ADGRL2: variants seen among roughly 807,000 people sequenced by gnomAD.
ADGRL2 encodes the protein calcium-independent alpha-latrotoxin receptor 2.
Under a neutral mutation model 157.4 loss-of-function variants are expected in ADGRL2, and 44 were observed. That is an observed-to-expected ratio of 0.28 (90% CI 0.22 to 0.36). The LOEUF (loss-of-function observed/expected upper bound fraction) is 0.36, where lower values mean the gene tolerates loss of function less well. Among genes scored for constraint, ADGRL2 ranks in the 10% least tolerant of loss-of-function variants. The pLI, the probability that ADGRL2 is intolerant of heterozygous loss-of-function variation, is 1.00. For synonymous variants in ADGRL2, 585 were observed against 624.7 expected (o/e 0.94, Z 0.95); for missense variants, 1,510 against 1,768.9 (o/e 0.85, Z 2.63).
intron 2 of ADGRL2, among the ~76,000 whole-genome samples, chr1:81,548,145 A>G (rs1289702816): frequency 1.3e-5 from 2 of 152,156 alleles, no homozygotes; most frequent in Admixed American, 6.5e-5. Context: ...CAATCCAACT[A>G]CACACGTAAC....
At chr1:81,771,945 A>G (rs1443824192) in intron 2 of ADGRL2, among the ~76,000 whole-genome samples, 1 of 152,130 alleles carries the variant, frequency 6.6e-6, no homozygotes, top group Non-Finnish European at 1.5e-5. Flanking sequence ...ATGTAAAACT[A>G]TATTTTAAAA....
At chr1:81,608,573 T>C (rs1359527042) in intron 3 of ADGRL2, among the ~76,000 whole-genome samples, 2 of 152,178 alleles carry the variant, frequency 1.3e-5, no homozygotes, top group Admixed American at 6.6e-5. Flanking sequence ...TTTAATATGC[T>C]CATGCTGATT....
chr1:81,735,528 G>A (rs987362311), intron 1 of ADGRL2, among the ~76,000 whole-genome samples: 4 of 152,212 alleles, frequency 2.6e-5, no homozygotes, highest in African/African-American at 4.8e-5. Context: ...GGTGGCTCAT[G>A]CCTGTAATCC....
chr1:81,899,351 C>T (rs1023969122), intron 2 of ADGRL2, among the ~76,000 whole-genome samples: 5 of 152,228 alleles, frequency 3.3e-5, no homozygotes, highest in Middle Eastern at 3.4e-3. Flanking sequence ...AATTCCCATC[C>T]GGTAGCAGTG....
chr1:81,798,359 C>G (rs532674093), upstream of ADGRL2, among the ~76,000 whole-genome samples: 1 of 151,970 alleles, frequency 6.6e-6, no homozygotes, highest in Non-Finnish European at 1.5e-5. Flanking sequence ...TGTGGATATA[C>G]AAAGAAGGTT....
At chr1:81,330,363 G>A (rs373292322) in intron 1 of ADGRL2, among the ~76,000 whole-genome samples, 2 of 152,122 alleles carry the variant, frequency 1.3e-5, no homozygotes, top group African/African-American at 4.8e-5. Flanking sequence ...GGTCATATCT[G>A]ATTAAAGAAA....
intron 2 of ADGRL2, among the ~76,000 whole-genome samples, chr1:81,891,589 C>G (rs925822118): frequency 6.6e-6 from 1 of 151,978 alleles, no homozygotes; most frequent in Non-Finnish European, 1.5e-5. Context: ...ATGTTTATTT[C>G]CTACTTAAAT....
chr1:81,364,675 A>G (rs954320979), intron 1 of ADGRL2, among the ~76,000 whole-genome samples: 6 of 152,094 alleles, frequency 3.9e-5, no homozygotes, highest in African/African-American at 1.4e-4. Context: ...TTGAGGAGTC[A>G]GGAACAATAG....
At chr1:81,865,876 C>T (rs1213649212) in intron 2 of ADGRL2, among the ~76,000 whole-genome samples, 1 of 152,122 alleles carries the variant, frequency 6.6e-6, no homozygotes, top group African/African-American at 2.4e-5. Context: ...AAAGTGACAG[C>T]AGTTTTGAAG....
intron 1 of ADGRL2, among the ~76,000 whole-genome samples, chr1:81,354,918 C>T (rs564521056): frequency 4.6e-5 from 7 of 152,248 alleles, no homozygotes; most frequent in African/African-American, 7.2e-5. Flanking sequence ...ACAAATACAA[C>T]GTTCTGCCCT....
intron 3 of ADGRL2, among the ~76,000 whole-genome samples, 198 bp from the exon 4 acceptor site, chr1:81,936,530 T>C (rs1275643071): frequency 6.6e-6 from 1 of 151,820 alleles, no homozygotes; most frequent in Non-Finnish European, 1.5e-5. Flanking sequence ...GTGTGACCCA[T>C]GATACCACTG....
At chr1:81,680,149 T>C (rs953543189) in intron 3 of ADGRL2, among the ~76,000 whole-genome samples, 10 of 152,184 alleles carry the variant, frequency 6.6e-5, no homozygotes, top group Non-Finnish European at 1.3e-4. Flanking sequence ...ATGAAACTTA[T>C]CTAAGTGGCC....
In ADGRL2 at chr1:81,990,608, C is replaced by G. The variant is rs549347800; in HGVS notation, c.3873C>G (p.Leu1291=). The change falls in exon 24 of 24, where the codon CTC becomes CTG. Residue 1291 remains leucine (L), a synonymous_variant. Coordinates refer to ENST00000686636, the MANE Select transcript of ADGRL2 (RefSeq NM_001366006.2). ...GGGGCAGCAGCAAGACTCACAACCT[C>G]GAGCTCACGCTACCAGTCAAACCTG... ...NLRGSSKTHN[L]ELTLPVKPVI... is the part of the protein sequence containing the mutation. 1 of 1,614,146 alleles carries G rather than the reference C, an allele frequency of 6.2e-7. No homozygotes were observed. The highest frequency in any genetic ancestry group is 8.5e-7 in the Non-Finnish European group (1 of 1,180,018).
intron 2 of ADGRL2, among the ~76,000 whole-genome samples, chr1:81,898,601 A>G (rs776829001): frequency 6.6e-6 from 1 of 152,224 alleles, no homozygotes; most frequent in Non-Finnish European, 1.5e-5. Flanking sequence ...GGTTTTTAAC[A>G]TTCTGCCTTG....
chr1:81,766,672 A>G (rs2149328321), intron 2 of ADGRL2, among the ~76,000 whole-genome samples: 1 of 151,948 alleles, frequency 6.6e-6, no homozygotes, highest in African/African-American at 2.4e-5. Flanking sequence ...TTCTACTAAA[A>G]ATACAAAATC....
chr1:81,982,046 A>G, intron 19 of ADGRL2, 70 bp downstream of exon 19: 1 of 1,235,620 alleles, frequency 8.1e-7, no homozygotes, highest in East Asian at 2.6e-5. Flanking sequence ...GATATAATAA[A>G]GAATATTTTA....
intron 2 of ADGRL2, among the ~76,000 whole-genome samples, chr1:81,773,983 A>G (rs559627039): frequency 6.6e-6 from 1 of 152,324 alleles, no homozygotes; most frequent in South Asian, 2.1e-4. Context: ...CAACATGTGA[A>G]CACATGGGAG....
At chr1:81,484,577 A>G (rs1224357029) in intron 2 of ADGRL2, among the ~76,000 whole-genome samples, 1 of 152,158 alleles carries the variant, frequency 6.6e-6, no homozygotes, top group Non-Finnish European at 1.5e-5. Flanking sequence ...TCCCTAAACT[A>G]TGATGTGGTT....
intron 13 of ADGRL2, among the ~76,000 whole-genome samples, chr1:81,967,406 C>T (rs576805818): frequency 1.3e-5 from 2 of 151,986 alleles, no homozygotes; most frequent in South Asian, 4.2e-4. Context: ...GGACTACAGG[C>T]GTCCTCCACC....
Sources: gnomAD v4.1 joint callset for allele counts (sites outside exome capture counted in the v4.1 genomes callset) on GRCh38, gnomAD v4.1.1 for gene constraint, MANE v1.5 for transcripts, NCBI Gene and HGNC (gene_info 2026-07-23, HGNC 2026-07-21) for gene names.